Variants in LCAT observed in about 807,000 individuals in gnomAD.
LCAT encodes lecithin-cholesterol acyltransferase.
In LCAT, 15 loss-of-function variants were observed where a neutral mutation model predicts 41.0. The ratio of observed to expected loss-of-function variants is 0.37; its 90% CI spans 0.24 to 0.56. LCAT has a LOEUF of 0.56. LCAT is among the 20% of genes least tolerant of loss of function. The pLI, the probability that LCAT is intolerant of heterozygous loss-of-function variation, is 0.81. For missense variants in LCAT, 449 were observed against 595.1 expected (o/e 0.75, Z 2.55); for synonymous variants, 248 against 245.4 (o/e 1.01, Z -0.10).
At position 67,940,241 on chromosome 16, in the gene LCAT, G is replaced by A. The variant is rs2058285107; in HGVS notation, c.986C>T (p.Pro329Leu). 1 of 1,613,728 alleles carries A rather than the reference G, an allele frequency of 6.2e-7. No homozygotes were observed. The highest frequency in any genetic ancestry group is 8.5e-7 in the Non-Finnish European group (1 of 1,180,004). Reference protein sequence around the residue: ...LQSRDLLAGLPAPGVEVYCLY... With the variant: ...LQSRDLLAGLLAPGVEVYCLY... ...ACAGTATACTTCCACACCAGGTGCTGGGAGTCCTGCCAGGAGGTCACGTGA... is the reference window on the plus strand; with the variant it reads ...ACAGTATACTTCCACACCAGGTGCTAGGAGTCCTGCCAGGAGGTCACGTGA... The change falls in exon 6 of 6, where the codon CCA (proline) becomes CTA (leucine). Residue 329 changes from proline to leucine, a missense_variant. Pro to Leu is a moderately conservative substitution (Grantham distance 98). Coordinates refer to ENST00000264005, the MANE Select transcript of LCAT (RefSeq NM_000229.2).
In LCAT at chr16:67,943,051, T is replaced by C. The variant is rs571028358; in HGVS notation, c.311+5A>G. 1 of 1,613,942 alleles carries C rather than the reference T, an allele frequency of 6.2e-7. No homozygotes were observed. The highest frequency in any genetic ancestry group is 1.3e-5 in the African/African-American group (1 of 75,008). On this transcript the variant is annotated splice_donor_5th_base_variant and intron_variant, in intron 2 of 5. Transcript: ENST00000264005. The surrounding 1 kb of genome is among the most constrained non-coding windows in gnomAD (Gnocchi z 4.6). ...TTGGGGCTAGGGTGGAGCACATGGC[T>C]GTACCTGGTGTTATCGATCCAGCAG...
rs1567408038 is a variant in LCAT at position 67,940,593 on chromosome 16, C to T, written c.749-115G>A. On this transcript the variant is annotated intron_variant, in intron 5 of 5. Transcript: ENST00000264005. The stretch of plus-strand genomic sequence containing the variant: ...ATCTTGTCCCTGCCCAATCTAGACA[C>T]AGACTCTAAGCCACAGGCTTGAGCA... 20 of 1,506,042 alleles carry T rather than the reference C, an allele frequency of 1.3e-5. No individual in the cohort carries two copies. The East Asian group carries it at 4.6e-4, about 35-fold the overall frequency. The allele number at this position is 1,506,042 out of a possible 1,614,324, so 93.3% of individuals were successfully genotyped here. A position where few individuals can be genotyped will look rare whatever the true frequency, so the allele number is the denominator to read the frequency against.
At chr16:67,941,388 G>A (rs1315133750) in intron 5 of LCAT, 1 of 152,886 alleles carries the variant, frequency 6.5e-6, no homozygotes, top group Non-Finnish European at 1.5e-5. Context: ...TCGGGAGGCT[G>A]AGGCAGGAAG....
intron 5 of LCAT, chr16:67,940,760 A>T: frequency 2.5e-6 from 1 of 404,922 alleles, no homozygotes; most frequent in Non-Finnish European, 4.5e-6. Context: ...ACACTTTGGG[A>T]GGCTGAGGCA....
rs984224013 is a variant in LCAT at position 67,943,736 on chromosome 16, C to G, written c.154+212G>C. ...ACACCCCGTCCCCCACTCCGCCCCC[C>G]CTGGGTTAGACAACTGAGAGTCACA... On this transcript the variant is annotated intron_variant, in intron 1 of 5. Transcript: ENST00000264005. The surrounding 1 kb of genome is among the most constrained non-coding windows in gnomAD (Gnocchi z 4.6). The G allele has an allele frequency of 4.7e-4, 273 of 585,844 alleles. No individual in the cohort carries two copies. The highest frequency in any genetic ancestry group is 5.4e-4 in the Non-Finnish European group (183 of 336,290). 36.3% of individuals were successfully genotyped at this position (585,844 alleles called of 1,614,324 possible). A position where few individuals can be genotyped will look rare whatever the true frequency, so the allele number is the denominator to read the frequency against.
Position 67,942,824 on chromosome 16 carries a change from C to A in LCAT, c.427+37G>T. On this transcript the variant is annotated intron_variant, in intron 3 of 5. Transcript: ENST00000264005. This position sits in a 1 kb window ranked among gnomAD's most constrained non-coding sequence, Gnocchi z 6.6. Reference sequence around the variant, plus strand: ...GCCATGCCTGCTGTGGGCCAGCACCCAGGCCTGGAGCCCCAGCCCTGCCCT... The same window carrying A: ...GCCATGCCTGCTGTGGGCCAGCACCAAGGCCTGGAGCCCCAGCCCTGCCCT... 6.2e-7 allele frequency: 1 copy of A among 1,612,818 alleles called. No homozygotes were observed. The highest frequency in any genetic ancestry group is 8.5e-7 in the Non-Finnish European group (1 of 1,179,662).
chr16:67,942,074 G>A lies in LCAT; in HGVS notation c.748+289C>T, dbSNP rs1209778337. On this transcript the variant is annotated intron_variant, in intron 5 of 5. Transcript: ENST00000264005. This position sits in a 1 kb window ranked among gnomAD's most constrained non-coding sequence, Gnocchi z 6.6. The stretch of plus-strand genomic sequence containing the variant: ...GCAAGTGGAAGGCAGGCAAGGGCTG[G>A]GCAGGCAGGCTCTGGGGCTACAAGA... 2.3e-6 allele frequency: 3 copies of A among 1,324,102 alleles called. No homozygotes were observed. The highest frequency in any genetic ancestry group is 2.9e-6 in the Non-Finnish European group (3 of 1,028,636). The allele number at this position is 1,324,102 out of a possible 1,614,324, so 82.0% of individuals were successfully genotyped here.
chr16:67,942,534 C>T lies in LCAT; in HGVS notation c.577G>A (p.Ala193Thr), dbSNP rs769746004. ...AGGAAGACAGGCTTCCCATAGGCAG[C>T]GTGCATCTCCTCCACCAGCCCTGCG... ...KLAGLVEEMH[A>T]AYGKPVFLIG... The change falls in exon 5 of 6, where the codon GCT becomes ACT. Residue 193 changes from alanine (A) to threonine (T), a missense_variant. By Grantham distance (58) the Ala-to-Thr change is moderately conservative. Transcript: ENST00000264005. The surrounding 1 kb of genome is among the most constrained non-coding windows in gnomAD (Gnocchi z 6.6). 3.7e-6 allele frequency: 6 copies of T among 1,613,614 alleles called. No homozygotes were observed. The highest frequency in any genetic ancestry group is 2.2e-5 in the East Asian group (1 of 44,890).
rs2058282533 is a variant in LCAT at position 67,939,845 on chromosome 16, A to G, written c.*59T>C. On this transcript the variant is annotated 3_prime_UTR_variant, in exon 6 of 6. Coordinates refer to ENST00000264005, the MANE Select transcript of LCAT (RefSeq NM_000229.2). ...GGAGTGAAACCTAGTGTGGGACTCT[A>G]GTGCCTCCCTTCAACCTGAAACATA... 6.3e-7 allele frequency: 1 copy of G among 1,576,906 alleles called. No homozygotes were observed. The highest frequency in any genetic ancestry group is 8.6e-7 in the Non-Finnish European group (1 of 1,159,140).
At position 67,940,188 on chromosome 16, in the gene LCAT, GGGGCGTGGGCA is replaced by G; in HGVS notation, c.1028_1038del (p.Leu343ProfsTer20). On this transcript the variant is annotated frameshift_variant, in exon 6 of 6. Transcript: ENST00000264005. LOFTEE classifies it high-confidence loss of function. Reference sequence around the variant, plus strand: ...AAGCCGTGGTCGTAGATGTAGGTGCGGGGCGTGGGCAGGCCCACGCCGTAAAGACAGTATAC... The same window carrying G: ...AAGCCGTGGTCGTAGATGTAGGTGCGGGCCCACGCCGTAAAGACAGTATAC... 1 of 1,612,406 alleles carries G rather than the reference GGGGCGTGGGCA, an allele frequency of 6.2e-7. No homozygotes were observed. The highest frequency in any genetic ancestry group is 8.5e-7 in the Non-Finnish European group (1 of 1,179,766).
chr16:67,943,208 G>A lies in LCAT; in HGVS notation c.159C>T (p.Pro53=), dbSNP rs556480808. ...SNHTRPVILV[P]GCLGNQLEAK... ...CTTCTAGCTGATTCCCCAGGCAGCC[G>A]GGCACTGTGAGCAGCAGCCCTCACT... Residue 53 remains proline, a synonymous_variant, in exon 2 of 6, where the codon CCC becomes CCT. Coordinates refer to ENST00000264005, the MANE Select transcript of LCAT (RefSeq NM_000229.2). The surrounding 1 kb of genome is among the most constrained non-coding windows in gnomAD (Gnocchi z 4.6). 65 of 1,612,852 alleles carry A rather than the reference G, an allele frequency of 4.0e-5. 1 individual carries two copies. The highest frequency in any genetic ancestry group is 2.7e-4 in the East Asian group (12 of 44,874).
intron 5 of LCAT, chr16:67,940,920 G>A (rs904197805): frequency 5.2e-6 from 1 of 194,144 alleles, no homozygotes; most frequent in South Asian, 9.1e-5. Context: ...CAGGAAGATT[G>A]CTTGAGCCTA....
At position 67,943,032 on chromosome 16, in the gene LCAT, C is replaced by G; in HGVS notation, c.311+24G>C. 1 of 1,613,838 alleles carries G rather than the reference C, an allele frequency of 6.2e-7. No individual in the cohort carries two copies. On this transcript the variant is annotated intron_variant, in intron 2 of 5. Coordinates refer to ENST00000264005, the MANE Select transcript of LCAT (RefSeq NM_000229.2). The surrounding 1 kb of genome is among the most constrained non-coding windows in gnomAD (Gnocchi z 4.6). Reference sequence around the variant, plus strand: ...GTAGCCAAGGGGCAGCGTGTTGGGGCTAGGGTGGAGCACATGGCTGTACCT... The same window carrying G: ...GTAGCCAAGGGGCAGCGTGTTGGGGGTAGGGTGGAGCACATGGCTGTACCT...
chr16:67,940,518 G>A, intron 5 of LCAT, 40 bp from the exon 6 acceptor site: 3 of 1,611,204 alleles, frequency 1.9e-6, no homozygotes, highest in Non-Finnish European at 2.5e-6. Context: ...AGCCAGGCCT[G>A]GCTACCCCTG....
chr16:67,940,835 CAAAAAAAAA>C (rs1188151330), intron 5 of LCAT: 2 of 78,242 alleles, frequency 2.6e-5, no homozygotes, highest in Non-Finnish European at 5.5e-5. Flanking sequence ...CCTGTCTCTA[CAAAAAAAAA>C]AAAAAAAAAA....
Position 67,943,369 on chromosome 16 carries a change from T to A in LCAT, c.155-157A>T. ...TACCCTCCCCTGCTTACACCCCCTCTCCCTGCTGTCCCCCCAGTAGCCAAA... is the reference window on the plus strand; with the variant it reads ...TACCCTCCCCTGCTTACACCCCCTCACCCTGCTGTCCCCCCAGTAGCCAAA... On this transcript the variant is annotated intron_variant, in intron 1 of 5. Transcript: ENST00000264005. The surrounding 1 kb of genome is among the most constrained non-coding windows in gnomAD (Gnocchi z 4.6). The A allele has an allele frequency of 1.6e-6, 1 of 613,358 alleles. No homozygotes were observed. Among genetic ancestry groups the A allele is most frequent in the Non-Finnish European group, 2.9e-6 (1 of 344,318 alleles). The allele number at this position is 613,358 out of a possible 1,614,324, so 38.0% of individuals were successfully genotyped here.
Position 67,943,297 on chromosome 16 carries a change from C to T in LCAT, c.155-85G>A. Reference sequence around the variant, plus strand: ...ACCCCAGATGCTGCAGTGACCAGACCCACCCCCCACCTCCCATACCCTCAA... The same window carrying T: ...ACCCCAGATGCTGCAGTGACCAGACTCACCCCCCACCTCCCATACCCTCAA... On this transcript the variant is annotated intron_variant, in intron 1 of 5. Coordinates refer to ENST00000264005, the MANE Select transcript of LCAT (RefSeq NM_000229.2). This position sits in a 1 kb window ranked among gnomAD's most constrained non-coding sequence, Gnocchi z 4.6. 2.1e-6 allele frequency: 3 copies of T among 1,406,170 alleles called. No homozygotes were observed. The highest frequency in any genetic ancestry group is 3.0e-6 in the Non-Finnish European group (3 of 1,008,166). The allele number at this position is 1,406,170 out of a possible 1,614,324, so 87.1% of individuals were successfully genotyped here.
chr16:67,942,217 G>A lies in LCAT; in HGVS notation c.748+146C>T. ...TTGCTCAGGCCAGGGTCACTGCTCT[G>A]GGGGCCAGTGACAGCAAGCATGCCA... On this transcript the variant is annotated intron_variant, in intron 5 of 5. Transcript: ENST00000264005. This position sits in a 1 kb window ranked among gnomAD's most constrained non-coding sequence, Gnocchi z 6.6. 1.6e-6 allele frequency: 2 copies of A among 1,266,740 alleles called. No homozygotes were observed. The highest frequency in any genetic ancestry group is 2.5e-5 in the East Asian group (1 of 39,500). 78.5% of individuals were successfully genotyped at this position (1,266,740 alleles called of 1,614,324 possible).
chr16:67,944,084 G>A lies in LCAT; in HGVS notation c.18C>T (p.Ser6=). The A allele has an allele frequency of 1.3e-6, 2 of 1,547,960 alleles. No homozygotes were observed. Among genetic ancestry groups the A allele is most frequent in the African/African-American group, 1.4e-5 (1 of 73,086 alleles). Residue 6 remains serine, a synonymous_variant, in exon 1 of 6, where the codon TCC becomes TCT. Coordinates refer to ENST00000264005, the MANE Select transcript of LCAT (RefSeq NM_000229.2). The surrounding 1 kb of genome is among the most constrained non-coding windows in gnomAD (Gnocchi z 6.6). MGPPG[S]PWQWVTLLLG... The stretch of plus-strand genomic sequence containing the variant: ...GCAGCAGCGTCACCCACTGCCATGG[G>A]GAGCCGGGCGGCCCCATTCCAGCCC...
Sources: gnomAD v4.1 joint callset for allele counts on GRCh38, gnomAD v4.1.1 for gene constraint, Gnocchi (gnomAD v3.1) non-coding constraint, MANE v1.5 for transcripts, NCBI Gene and HGNC (gene_info 2026-07-23, HGNC 2026-07-21) for gene names.